Variants in RHAG observed in about 807,000 individuals in gnomAD.
The protein encoded by RHAG is ammonium transporter Rh type A.
A neutral mutation model predicts 42.4 loss-of-function variants in RHAG; 25 were observed. The ratio of observed to expected loss-of-function variants is 0.59; its 90% CI spans 0.43 to 0.82. The LOEUF (loss-of-function observed/expected upper bound fraction) is 0.82, where lower values mean the gene tolerates loss of function less well. RHAG is among the 40% of genes least tolerant of loss of function. RHAG has a pLI of 0.00. For missense variants in RHAG, 483 were observed against 504.6 expected, an observed-to-expected ratio of 0.96 and a Z score of 0.41; for synonymous variants, 182 against 177.7, an observed-to-expected ratio of 1.02 and a Z score of -0.19.
intron 1 of RHAG, among the ~76,000 whole-genome samples, chr6:49,634,687 A>G (rs1762981059): frequency 6.6e-6 from 1 of 152,088 alleles, no homozygotes; most frequent in African/African-American, 2.4e-5. Context: ...AAGATTGCTT[A>G]CGAGAATTGG....
chr6:49,618,537 T>C (rs1762694772), intron 2 of RHAG, among the ~76,000 whole-genome samples: 1 of 152,164 alleles, frequency 6.6e-6, no homozygotes, highest in African/African-American at 2.4e-5. Context: ...AAATAACTAA[T>C]GGGAAATTTT....
At position 49,620,712 on chromosome 6, in the gene RHAG, G is replaced by A. The variant is rs189134155; in HGVS notation, c.158-1350C>T. Among the ~76,000 whole-genome samples the A allele has an allele frequency of 5.6e-4, 85 of 152,182 alleles. 1 individual carries two copies. Among genetic ancestry groups the A allele is most frequent in the African/African-American group, 1.9e-3 (77 of 41,536 alleles). ...ATGCCCAGATAATCTTTGTATTTTT[G>A]TAGAGATGAGATTTCACCATGTTGG... On this transcript the variant is annotated intron_variant, in intron 1 of 9. Transcript: ENST00000371175.
At chr6:49,631,050 A>C (rs190753757) in intron 1 of RHAG, among the ~76,000 whole-genome samples, 9 of 152,340 alleles carry the variant, frequency 5.9e-5, no homozygotes, top group Non-Finnish European at 1.2e-4. Flanking sequence ...AATCAGACTA[A>C]ATATTGTTGG....
chr6:49,610,766 G>A (rs1356067296), intron 7 of RHAG, among the ~76,000 whole-genome samples: 1 of 152,136 alleles, frequency 6.6e-6, no homozygotes, highest in African/African-American at 2.4e-5. Flanking sequence ...AAATTTCCCT[G>A]TCTGCTAGGA....
intron 1 of RHAG, among the ~76,000 whole-genome samples, chr6:49,634,980 T>TGTG (rs1562021949): frequency 0.013 from 657 of 51,168 alleles, 7 homozygotes; most frequent in African/African-American, 0.05. Context: ...GTGTGTGTGT[T>TGTG]TGTGTATACC....
At chr6:49,629,116 A>C (rs1340746195) in intron 1 of RHAG, among the ~76,000 whole-genome samples, 1 of 152,150 alleles carries the variant, frequency 6.6e-6, no homozygotes, top group Non-Finnish European at 1.5e-5. Flanking sequence ...GAGTATCCAC[A>C]CAAAGGTTCT....
chr6:49,606,267 T>C (rs1034086378), intron 9 of RHAG, among the ~76,000 whole-genome samples: 2 of 152,190 alleles, frequency 1.3e-5, no homozygotes, highest in Admixed American at 6.5e-5. Flanking sequence ...TTATGTTAAA[T>C]TTCTTTTGTT....
At chr6:49,633,285 C>A (rs530112441) in intron 1 of RHAG, among the ~76,000 whole-genome samples, 6 of 152,206 alleles carry the variant, frequency 3.9e-5, no homozygotes, top group African/African-American at 1.4e-4. Flanking sequence ...GCTTGAATCC[C>A]TGCACTGGCA....
At chr6:49,623,085 G>A (rs13200205) in intron 1 of RHAG, among the ~76,000 whole-genome samples, 30,553 of 151,868 alleles carry the variant, frequency 0.2, 3,906 homozygotes, top group Middle Eastern at 0.29. Context: ...TGATCCGCCC[G>A]CCTCGGCCTC....
chr6:49,619,439 A>G, intron 1 of RHAG, 77 bp from the exon 2 acceptor site: 1 of 1,287,274 alleles, frequency 7.8e-7, no homozygotes, highest in Admixed American at 2.0e-5. Flanking sequence ...TACCCCACTT[A>G]TTAAGTGCTA....
intron 9 of RHAG, among the ~76,000 whole-genome samples, chr6:49,606,264 A>G (rs1334946563): frequency 6.6e-6 from 1 of 152,148 alleles, no homozygotes; most frequent in Admixed American, 6.6e-5. Flanking sequence ...AAATTATGTT[A>G]AATTTCTTTT....
intron 1 of RHAG, among the ~76,000 whole-genome samples, chr6:49,626,749 C>T (rs1268988782): frequency 6.6e-6 from 1 of 152,246 alleles, no homozygotes; most frequent in Non-Finnish European, 1.5e-5. Context: ...TCTTCCCCTG[C>T]AGCAAGTTTC....
chr6:49,614,674 AGG>A lies in RHAG; in HGVS notation c.807+11_807+12del, dbSNP rs1483665565. On this transcript the variant is annotated intron_variant, in intron 5 of 9. Transcript: ENST00000371175. ...TGAAGCAAAATTTCCATGAGGGCTA[AGG>A]CGGCACTTACCATGTTGAGCTTGCC... The A allele has an allele frequency of 6.2e-7, 1 of 1,612,954 alleles. No individual in the cohort carries two copies. Among genetic ancestry groups the A allele is most frequent in the Non-Finnish European group, 8.5e-7 (1 of 1,179,886 alleles).
chr6:49,627,712 T>C (rs1762863455), intron 1 of RHAG, among the ~76,000 whole-genome samples: 1 of 152,148 alleles, frequency 6.6e-6, no homozygotes, highest in Admixed American at 6.5e-5. Flanking sequence ...CTCACAATCG[T>C]GGTGGAAGGC....
chr6:49,622,593 GCTC>G (rs1331429379), intron 1 of RHAG, among the ~76,000 whole-genome samples: 6 of 152,068 alleles, frequency 3.9e-5, no homozygotes, highest in Non-Finnish European at 8.8e-5. Flanking sequence ...GAGGTGACTT[GCTC>G]CTCCTTGCCT....
rs1774148908 is a variant in RHAG, at chr6:49,605,672, A to G, written c.*141T>C. ...ACTTAGGATCTATTCACTCTGGTCC[A>G]TACTCTCTTTGGTTACTCCCTTTTT... On this transcript the variant is annotated 3_prime_UTR_variant, in exon 10 of 10. Coordinates refer to ENST00000371175, the MANE Select transcript of RHAG (RefSeq NM_000324.3). 3 of 820,650 alleles carry G rather than the reference A, an allele frequency of 3.7e-6. No individual in the cohort carries two copies. Among genetic ancestry groups the G allele is most frequent in the Non-Finnish European group, 6.5e-6 (3 of 463,050 alleles). 50.8% of individuals were successfully genotyped at this position (820,650 alleles called of 1,614,324 possible).
chr6:49,624,457 G>A (rs1196810319), intron 1 of RHAG, among the ~76,000 whole-genome samples: 3 of 152,092 alleles, frequency 2.0e-5, no homozygotes, highest in Admixed American at 6.6e-5. Flanking sequence ...CACCAGCCTC[G>A]GCCTCCCAAA....
intron 1 of RHAG, among the ~76,000 whole-genome samples, chr6:49,621,343 G>T (rs1581945281): frequency 1.3e-5 from 2 of 152,100 alleles, no homozygotes; most frequent in Non-Finnish European, 2.9e-5. Flanking sequence ...TCTTCCTTCG[G>T]GTAGTCTGGA....
chr6:49,615,579 G>A, intron 4 of RHAG, 45 bp downstream of exon 4: 2 of 1,606,106 alleles, frequency 1.2e-6, no homozygotes, highest in Non-Finnish European at 1.7e-6. Flanking sequence ...CTTCTCTGGT[G>A]CCTTTTCAAA....
Sources: allele counts gnomAD v4.1 joint callset (sites outside exome capture counted in the v4.1 genomes callset), GRCh38; gene constraint gnomAD v4.1.1; transcripts MANE v1.5; gene names NCBI Gene and HGNC (gene_info 2026-07-23, HGNC 2026-07-21).